SMYD3: variants seen among roughly 807,000 people sequenced by gnomAD.
SMYD3 encodes the protein histone-lysine N-methyltransferase SMYD3.
Under a neutral mutation model 57.7 loss-of-function variants are expected in SMYD3, and 36 were observed. The ratio of observed to expected loss-of-function variants is 0.62; its 90% CI spans 0.48 to 0.82. The LOEUF (loss-of-function observed/expected upper bound fraction) is 0.82, where lower values mean the gene tolerates loss of function less well. Among genes scored for constraint, SMYD3 ranks in the 40% least tolerant of loss-of-function variants. The pLI is 0.00. For synonymous variants in SMYD3, 211 were observed against 195.0 expected (o/e 1.08, Z -0.68); for missense variants, 515 against 538.8 (o/e 0.96, Z 0.44).
chr1:246,401,426 C>T (rs1027377460), intron 1 of SMYD3, among the ~76,000 whole-genome samples: 19 of 152,208 alleles, frequency 1.2e-4, no homozygotes, highest in Admixed American at 3.3e-4. Context: ...CTCTGCCCCT[C>T]AGATTTAAGA....
At chr1:246,371,777 A>G (rs1392559170) in intron 1 of SMYD3, among the ~76,000 whole-genome samples, 1 of 152,190 alleles carries the variant, frequency 6.6e-6, no homozygotes, top group Non-Finnish European at 1.5e-5. Flanking sequence ...AAAACAACAC[A>G]TCAGCACCAT....
intron 5 of SMYD3, among the ~76,000 whole-genome samples, chr1:246,146,022 C>A (rs1303311954): frequency 6.6e-6 from 1 of 152,178 alleles, no homozygotes; most frequent in Admixed American, 6.5e-5. Context: ...TTCTAATATA[C>A]AGTTATTGAG....
intron 1 of SMYD3, among the ~76,000 whole-genome samples, chr1:246,487,838 G>A (rs1464059046): frequency 6.6e-6 from 1 of 152,056 alleles, no homozygotes; most frequent in Non-Finnish European, 1.5e-5. Flanking sequence ...GGGATTACAG[G>A]CATGCACCAC....
chr1:246,475,970 G>A (rs2068025600), intron 1 of SMYD3, among the ~76,000 whole-genome samples: 6 of 152,112 alleles, frequency 3.9e-5, no homozygotes. Flanking sequence ...TCAAAGCAAA[G>A]GTTATAAGCT....
chr1:245,916,536 T>C, intron 7 of SMYD3, among the ~76,000 whole-genome samples: 1 of 152,160 alleles, frequency 6.6e-6, no homozygotes, highest in East Asian at 1.9e-4. Flanking sequence ...CTTATCCAAG[T>C]TGAAGCCTCA....
At chr1:246,131,468 T>G (rs2148068997) in intron 5 of SMYD3, among the ~76,000 whole-genome samples, 1 of 152,338 alleles carries the variant, frequency 6.6e-6, no homozygotes, top group East Asian at 1.9e-4. Context: ...TAGGTTCTTA[T>G]TCATAAGGCT....
intron 5 of SMYD3, among the ~76,000 whole-genome samples, chr1:246,185,373 A>G (rs1432895955): frequency 2.0e-5 from 3 of 150,068 alleles, no homozygotes. Context: ...AGTAGCTGGG[A>G]CTGCAGGTGC....
Position 246,074,913 on chromosome 1 carries a change from T to TACACACACAC in SMYD3, c.532-144986_532-144977dup, listed in dbSNP as rs60103366. ...CCAATATAATAGCATGCTAAAGCAA[T>TACACACACAC]ACACACACACACACACACACACACA... On this transcript the variant is annotated intron_variant, in intron 5 of 11. Transcript: ENST00000490107. Among the ~76,000 whole-genome samples the TACACACACAC allele has an allele frequency of 6.4e-3, 944 of 148,454 alleles. 10 individuals carry two copies. The highest frequency in any genetic ancestry group is 0.018 in the South Asian group (82 of 4,596).
At chr1:246,166,958 C>T (rs1448883588) in intron 5 of SMYD3, among the ~76,000 whole-genome samples, 3 of 152,158 alleles carry the variant, frequency 2.0e-5, no homozygotes, top group Non-Finnish European at 4.4e-5. Context: ...TTCCCACAAG[C>T]CCTAGCGACC....
intron 5 of SMYD3, among the ~76,000 whole-genome samples, chr1:246,264,418 G>A (rs1244436022): frequency 6.6e-6 from 1 of 152,210 alleles, no homozygotes; most frequent in African/African-American, 2.4e-5. Context: ...GGGAAGCCAA[G>A]GTAGGAGGAT....
chr1:245,895,409 T>A (rs1201696361), intron 8 of SMYD3, among the ~76,000 whole-genome samples: 2 of 152,188 alleles, frequency 1.3e-5, no homozygotes, highest in Non-Finnish European at 2.9e-5. Flanking sequence ...CTGCTTAGAT[T>A]GTTAAAATTG....
chr1:246,396,501 T>A lies in SMYD3; in HGVS notation c.165-41407A>T, dbSNP rs563523126. On this transcript the variant is annotated intron_variant, in intron 1 of 11. Transcript: ENST00000490107. ...CAACGCACACTGGACTAATTCAGGA[T>A]AACTTTCCTAAGACCAAAGAACAAA... Among the ~76,000 whole-genome samples the A allele has an allele frequency of 2.6e-5, 4 of 152,226 alleles. No individual in the cohort carries two copies. In the South Asian group the frequency reaches 8.3e-4, roughly 31 times the overall value.
chr1:245,877,436 T>C (rs772536611), intron 8 of SMYD3, among the ~76,000 whole-genome samples: 6 of 152,242 alleles, frequency 3.9e-5, no homozygotes, highest in Admixed American at 6.5e-5. Flanking sequence ...GTATAATCTC[T>C]ATGTTTTTCA....
chr1:246,033,006 C>T (rs1438310263), intron 5 of SMYD3, among the ~76,000 whole-genome samples: 1 of 152,170 alleles, frequency 6.6e-6, no homozygotes, highest in Non-Finnish European at 1.5e-5. Flanking sequence ...GCTAAACCTG[C>T]TAAATATGCA....
intron 10 of SMYD3, among the ~76,000 whole-genome samples, chr1:245,787,527 A>G (rs1256328896): frequency 6.6e-6 from 1 of 152,106 alleles, no homozygotes; most frequent in Non-Finnish European, 1.5e-5. Flanking sequence ...GTGGCCTCAC[A>G]AATGCTGCCT....
chr1:245,977,190 T>C (rs1251147965), intron 5 of SMYD3, among the ~76,000 whole-genome samples: 1 of 152,214 alleles, frequency 6.6e-6, no homozygotes, highest in African/African-American at 2.4e-5. Flanking sequence ...AAGGATTCAG[T>C]CACACCCACA....
intron 8 of SMYD3, among the ~76,000 whole-genome samples, chr1:245,882,955 T>C (rs2052868414): frequency 6.6e-6 from 1 of 152,216 alleles, no homozygotes; most frequent in African/African-American, 2.4e-5. Flanking sequence ...ACACTCTTTT[T>C]AGAAAGGGTA....
chr1:246,458,584 C>CT (rs372623640), intron 1 of SMYD3, among the ~76,000 whole-genome samples: 17 of 145,434 alleles, frequency 1.2e-4, no homozygotes, highest in African/African-American at 3.8e-4. Context: ...GTAGCTGGGA[C>CT]TACAGGCGCC....
At chr1:246,296,577 AATT>A (rs1236311084) in intron 5 of SMYD3, among the ~76,000 whole-genome samples, 6 of 152,052 alleles carry the variant, frequency 3.9e-5, no homozygotes, top group Admixed American at 1.3e-4. Context: ...AAAATAACTA[AATT>A]ATTTTCTGAA....
Sources: gnomAD v4.1 joint callset for allele counts (sites outside exome capture counted in the v4.1 genomes callset) on GRCh38, gnomAD v4.1.1 for gene constraint, MANE v1.5 for transcripts, NCBI Gene and HGNC (gene_info 2026-07-23, HGNC 2026-07-21) for gene names.